Variants in PTPRK observed in about 807,000 individuals in gnomAD.
The protein encoded by PTPRK is receptor-type tyrosine-protein phosphatase kappa.
In PTPRK, 75 loss-of-function variants were observed where a neutral mutation model predicts 178.0. That is an observed-to-expected ratio of 0.42 (90% CI 0.35 to 0.51). The LOEUF is 0.51. Among genes scored for constraint, PTPRK ranks in the 20% least tolerant of loss-of-function variants. PTPRK has a pLI of 0.02. For missense variants in PTPRK, 1,441 were observed against 1,797.8 expected (o/e 0.80, Z 3.59); for synonymous variants, 637 against 620.6 (o/e 1.03, Z -0.39).
chr6:128,389,904 G>A lies in PTPRK; in HGVS notation c.223+7662C>T, dbSNP rs543530682. 6.6e-5 allele frequency among the ~76,000 whole-genome samples: 10 copies of A among 152,074 alleles called. No homozygotes were observed. In the South Asian group the frequency reaches 8.3e-4, roughly 13 times the overall value. The stretch of plus-strand genomic sequence containing the variant: ...TTTTTCATGTTGCATTTATGTCTGC[G>A]AGGGTAACAGTCCTTACATTAAAAA... On this transcript the variant is annotated intron_variant, in intron 2 of 29. Coordinates refer to ENST00000368226, the MANE Select transcript of PTPRK (RefSeq NM_002844.4).
chr6:128,469,520 C>G (rs1850331618), intron 1 of PTPRK, among the ~76,000 whole-genome samples: 1 of 152,100 alleles, frequency 6.6e-6, no homozygotes, highest in Admixed American at 6.6e-5. Context: ...GTAAAACAAT[C>G]AAGTTAACTT....
At chr6:128,065,451 T>C (rs772658952) in intron 12 of PTPRK, among the ~76,000 whole-genome samples, 3 of 152,168 alleles carry the variant, frequency 2.0e-5, no homozygotes, top group Admixed American at 1.3e-4. Context: ...CAGGTGGCAG[T>C]AGGAGACACA....
At chr6:128,071,185 T>C (rs921091011) in intron 11 of PTPRK, among the ~76,000 whole-genome samples, 5 of 151,872 alleles carry the variant, frequency 3.3e-5, no homozygotes, top group Non-Finnish European at 2.9e-5. Context: ...TCTAGTGTTC[T>C]ACCATCTTTA....
rs183707431 is a variant in PTPRK, at chr6:128,236,436, C to T, written c.693+3599G>A. Among the ~76,000 whole-genome samples the T allele has an allele frequency of 3.3e-3, 490 of 150,700 alleles. 3 individuals are homozygous for T. The highest frequency in any genetic ancestry group is 0.011 in the African/African-American group (465 of 40,982). ...TGATCTCAGCTCACTGCAACCTCCG[C>T]CTCCCGGGTTCAAGCAATTCTTCTG... On this transcript the variant is annotated intron_variant, in intron 5 of 29. Transcript: ENST00000368226.
At chr6:127,976,398 C>T (rs984176455) in intron 27 of PTPRK, among the ~76,000 whole-genome samples, 1 of 152,140 alleles carries the variant, frequency 6.6e-6, no homozygotes, top group African/African-American at 2.4e-5. Context: ...CTAGGCTGTC[C>T]AACTTGACTG....
At chr6:128,361,594 T>C (rs1434930512) in intron 2 of PTPRK, among the ~76,000 whole-genome samples, 3 of 152,156 alleles carry the variant, frequency 2.0e-5, no homozygotes, top group Non-Finnish European at 4.4e-5. Flanking sequence ...ATACAATAGA[T>C]ATAGTCTATT....
chr6:128,056,048 C>T (rs1012354251), intron 13 of PTPRK, among the ~76,000 whole-genome samples: 2 of 147,036 alleles, frequency 1.4e-5, no homozygotes, highest in Non-Finnish European at 3.0e-5. Context: ...GGCAATGTGG[C>T]CTTTCTTTTC....
chr6:128,281,599 T>C (rs943125303), intron 3 of PTPRK, among the ~76,000 whole-genome samples: 2 of 152,138 alleles, frequency 1.3e-5, no homozygotes, highest in Non-Finnish European at 2.9e-5. Flanking sequence ...AGGGACTGTA[T>C]ACATATTTTG....
chr6:128,241,967 T>TTTTTTTTA (rs1814555090), intron 4 of PTPRK, among the ~76,000 whole-genome samples: 1 of 149,990 alleles, frequency 6.7e-6, no homozygotes, highest in African/African-American at 2.4e-5. Flanking sequence ...TTTTTTTTTT[T>TTTTTTTTA]GTAAGTAGAG....
chr6:128,038,045 A>G (rs2114823916), intron 13 of PTPRK, among the ~76,000 whole-genome samples: 1 of 152,334 alleles, frequency 6.6e-6, no homozygotes, highest in South Asian at 2.1e-4. Context: ...GTTTCACAGC[A>G]ATGTGAGAAA....
At chr6:128,174,212 C>T (rs188636274) in intron 7 of PTPRK, among the ~76,000 whole-genome samples, 1 of 152,048 alleles carries the variant, frequency 6.6e-6, no homozygotes, top group Admixed American at 6.6e-5. Flanking sequence ...ATGTCTCATA[C>T]ATTGTGCTAA....
intron 2 of PTPRK, among the ~76,000 whole-genome samples, chr6:128,326,803 G>A (rs148086021): frequency 1.3e-5 from 2 of 152,164 alleles, no homozygotes; most frequent in Admixed American, 1.3e-4. Flanking sequence ...GTTTCTGAGA[G>A]TTCTATAATG....
At chr6:128,473,017 A>G (rs911038356) in intron 1 of PTPRK, among the ~76,000 whole-genome samples, 6 of 152,116 alleles carry the variant, frequency 3.9e-5, no homozygotes, top group African/African-American at 1.4e-4. Context: ...GATATAATTC[A>G]CAGTCCATAT....
Position 128,219,137 on chromosome 6 carries a change from T to C in PTPRK, c.694-41A>G, listed in dbSNP as rs1406575502. ...AATCTTTAAAAACAGGTTCTTACTATTTTCATAAATCTATAAAGCATCTTA... is the reference window on the plus strand; with the variant it reads ...AATCTTTAAAAACAGGTTCTTACTACTTTCATAAATCTATAAAGCATCTTA... On this transcript the variant is annotated intron_variant, in intron 5 of 29. Coordinates refer to ENST00000368226, the MANE Select transcript of PTPRK (RefSeq NM_002844.4). 3.9e-6 allele frequency: 6 copies of C among 1,527,834 alleles called. No individual in the cohort carries two copies. The African/African-American group carries it at 6.9e-5, about 18-fold the overall frequency. The allele number at this position is 1,527,834 out of a possible 1,614,324, so 94.6% of individuals were successfully genotyped here. A position where few individuals can be genotyped will look rare whatever the true frequency, so the allele number is the denominator to read the frequency against.
chr6:128,134,137 T>A (rs1241530087), intron 7 of PTPRK, among the ~76,000 whole-genome samples: 1 of 152,188 alleles, frequency 6.6e-6, no homozygotes, highest in Non-Finnish European at 1.5e-5. Context: ...AGGATATATT[T>A]CCATTTCCAT....
At chr6:128,435,242 T>C (rs1328076056) in intron 1 of PTPRK, among the ~76,000 whole-genome samples, 2 of 152,164 alleles carry the variant, frequency 1.3e-5, no homozygotes, top group African/African-American at 4.8e-5. Context: ...GAAAATGCTA[T>C]GTTGGATATG....
intron 3 of PTPRK, among the ~76,000 whole-genome samples, chr6:128,287,505 G>T (rs1822696729): frequency 1.3e-5 from 2 of 152,196 alleles, no homozygotes; most frequent in South Asian, 2.1e-4. Context: ...ACCTCAGAGG[G>T]ACTTCCAAAC....
At chr6:128,503,633 A>G (rs1228522006) in intron 1 of PTPRK, among the ~76,000 whole-genome samples, 1 of 152,136 alleles carries the variant, frequency 6.6e-6, no homozygotes, top group Non-Finnish European at 1.5e-5. Flanking sequence ...TCTGTCATAC[A>G]TATTTTGTTA....
intron 13 of PTPRK, among the ~76,000 whole-genome samples, chr6:128,038,563 G>A (rs998188594): frequency 1.3e-5 from 2 of 152,080 alleles, no homozygotes; most frequent in African/African-American, 2.4e-5. Flanking sequence ...TGAAATCAGA[G>A]ACTGTCAGTG....
Sources: allele counts gnomAD v4.1 joint callset (sites outside exome capture counted in the v4.1 genomes callset), GRCh38; gene constraint gnomAD v4.1.1; transcripts MANE v1.5; gene names NCBI Gene and HGNC (gene_info 2026-07-23, HGNC 2026-07-21).